Variants in DERA observed in about 807,000 individuals in gnomAD.
DERA encodes 2-deoxy-D-ribose 5-phosphate aldolase.
DERA carries 15 observed loss-of-function variants against 41.1 expected under a neutral mutation model. That is an observed-to-expected ratio of 0.37 (90% CI 0.24 to 0.56). The LOEUF (loss-of-function observed/expected upper bound fraction) is 0.56. DERA is among the 20% of genes least tolerant of loss of function. The pLI is 0.81. For missense variants in DERA, 396 were observed against 403.4 expected (o/e 0.98, Z 0.16); for synonymous variants, 139 against 137.4 (o/e 1.01, Z -0.08).
chr12:15,950,537 T>A (rs1182529423), intron 1 of DERA, among the ~76,000 whole-genome samples: 3 of 152,214 alleles, frequency 2.0e-5, no homozygotes, highest in Admixed American at 2.0e-4. Context: ...GCCTTAACCA[T>A]CTGGGAATGC....
chr12:16,003,390 C>A lies in DERA; in HGVS notation c.637+20954C>A, dbSNP rs1271164004. On this transcript the variant is annotated intron_variant, in intron 6 of 8. Transcript: ENST00000428559. This position sits in a 1 kb window ranked among gnomAD's most constrained non-coding sequence, Gnocchi z 4.8. ...TCTTACATGCTAGGGGTTAGGACTT[C>A]CACCTATGAATTTTGGGGGGCTCCA... is the stretch of plus-strand genomic sequence containing the variant. Among the ~76,000 whole-genome samples, 1 of 152,136 alleles carries A rather than the reference C, an allele frequency of 6.6e-6. No individual in the cohort carries two copies. Among genetic ancestry groups the A allele is most frequent in the East Asian group, 1.9e-4 (1 of 5,198 alleles).
rs1948265053 is a variant in DERA at position 15,924,057 on chromosome 12, C to A, written c.31+12643C>A. ...GTGAGTAACAGCCAAATAATTCTAT[C>A]CAGAAATATTTGAATGATGTTAGCC... is the stretch of plus-strand genomic sequence containing the variant. On this transcript the variant is annotated intron_variant, in intron 1 of 8. Transcript: ENST00000428559. The surrounding 1 kb of genome is among the most constrained non-coding windows in gnomAD (Gnocchi z 5.0). Among the ~76,000 whole-genome samples the A allele has an allele frequency of 6.6e-6, 1 of 152,058 alleles. No individual in the cohort carries two copies. The highest frequency in any genetic ancestry group is 2.4e-5 in the African/African-American group (1 of 41,396).
Position 15,938,258 on chromosome 12 carries a change from G to A in DERA, c.32-18678G>A, listed in dbSNP as rs1254386930. On this transcript the variant is annotated intron_variant, in intron 1 of 8. Coordinates refer to ENST00000428559, the MANE Select transcript of DERA (RefSeq NM_015954.4). This position sits in a 1 kb window ranked among gnomAD's most constrained non-coding sequence, Gnocchi z 4.1. ...GCATGCAAATTAGACACTTTTGACA[G>A]CAAAAGGGAGCACTAAAAATACTTA... Among the ~76,000 whole-genome samples the A allele has an allele frequency of 6.6e-6, 1 of 152,094 alleles. No individual in the cohort carries two copies. The highest frequency in any genetic ancestry group is 2.4e-5 in the African/African-American group (1 of 41,448).
rs1476273537 is a variant in DERA, at chr12:15,992,048, A to G, written c.637+9612A>G. Among the ~76,000 whole-genome samples the G allele has an allele frequency of 6.6e-6, 1 of 151,034 alleles. No homozygotes were observed. Among genetic ancestry groups the G allele is most frequent in the East Asian group, 1.9e-4 (1 of 5,148 alleles). ...GTAGCATTTGTAACATAGTATCAGC[A>G]TCAACTGTTTTACCTGTTAGATTTT... On this transcript the variant is annotated intron_variant, in intron 6 of 8. Coordinates refer to ENST00000428559, the MANE Select transcript of DERA (RefSeq NM_015954.4). This position sits in a 1 kb window ranked among gnomAD's most constrained non-coding sequence, Gnocchi z 4.3.
intron 7 of DERA, 171 bp downstream of exon 7, chr12:16,032,825 T>C: frequency 1.7e-6 from 1 of 574,606 alleles, no homozygotes; most frequent in South Asian, 2.1e-5. Context: ...TGGAGAAAAA[T>C]TGTGATGAAC....
At chr12:15,973,748 A>C (rs919855076) in intron 5 of DERA, among the ~76,000 whole-genome samples, 1 of 152,116 alleles carries the variant, frequency 6.6e-6, no homozygotes, top group Non-Finnish European at 1.5e-5. Context: ...TTAATATAGA[A>C]ATATATCAAG....
intron 1 of DERA, among the ~76,000 whole-genome samples, chr12:15,927,648 T>G (rs1274751381): frequency 6.6e-6 from 1 of 152,190 alleles, no homozygotes; most frequent in Non-Finnish European, 1.5e-5. Context: ...TTGCCCATAG[T>G]CATACGGCTA....
At chr12:16,034,963 A>ATAGAG (rs202033130) in intron 7 of DERA, among the ~76,000 whole-genome samples, 1 of 29,530 alleles carries the variant, frequency 3.4e-5, no homozygotes, top group Admixed American at 5.0e-4. Flanking sequence ...CTACTACCTT[A>ATAGAG]CAGCTTGGGC....
chr12:15,959,904 G>A lies in DERA; in HGVS notation c.353G>A (p.Cys118Tyr). 6.5e-7 allele frequency: 1 copy of A among 1,547,744 alleles called. No individual in the cohort carries two copies. The highest frequency in any genetic ancestry group is 8.7e-7 in the Non-Finnish European group (1 of 1,143,550). ...DAVKALKAAGCNIPVASVAAG... is the reference protein window; with the variant it reads ...DAVKALKAAGYNIPVASVAAG... ...GTAAAAGCACTCAAGGCTGCAGGCT[G>A]TAATATCCCTGTGGCATCAGGTAAA... The change falls in exon 4 of 9, where the codon TGT becomes TAT. Residue 118 changes from cysteine to tyrosine, a missense_variant. Coordinates refer to ENST00000428559, the MANE Select transcript of DERA (RefSeq NM_015954.4). This position sits in a 1 kb window ranked among gnomAD's most constrained non-coding sequence, Gnocchi z 4.5.
rs1157587201 is a variant in DERA at position 15,921,327 on chromosome 12, T to C, written c.31+9913T>C. ...TCAGTGTTCTTGATGATTTTGGAAA[T>C]TGACATAAGGATATCTTCTCTGTGG... On this transcript the variant is annotated intron_variant, in intron 1 of 8. Transcript: ENST00000428559. The surrounding 1 kb of genome is among the most constrained non-coding windows in gnomAD (Gnocchi z 5.3). 6.6e-6 allele frequency among the ~76,000 whole-genome samples: 1 copy of C among 152,086 alleles called. No individual in the cohort carries two copies. Among genetic ancestry groups the C allele is most frequent in the Non-Finnish European group, 1.5e-5 (1 of 68,008 alleles).
chr12:15,911,410 G>C lies in DERA; in HGVS notation c.27G>C (p.Glu9Asp). The change falls in exon 1 of 9, where the codon GAG (glutamate) becomes GAC (aspartate). Residue 9 changes from glutamate to aspartate, a missense_variant. By Grantham distance (45) the Glu-to-Asp change is conservative (BLOSUM62 2). Transcript: ENST00000428559. This position sits in a 1 kb window ranked among gnomAD's most constrained non-coding sequence, Gnocchi z 4.5. MSAHNRGTELDLSWISKIQ... is the reference protein window; with the variant it reads MSAHNRGTDLDLSWISKIQ... The stretch of plus-strand genomic sequence containing the variant: ...TGTCCGCGCACAATCGGGGCACCGA[G>C]CTCGGTAAGGGGCCCGCGGGGCTCC... 7.1e-7 allele frequency: 1 copy of C among 1,407,134 alleles called. No homozygotes were observed. Among genetic ancestry groups the C allele is most frequent in the South Asian group, 1.6e-5 (1 of 63,916 alleles). The allele number at this position is 1,407,134 out of a possible 1,614,324, so 87.2% of individuals were successfully genotyped here.
intron 1 of DERA, among the ~76,000 whole-genome samples, chr12:15,920,677 A>G (rs1591998168): frequency 6.6e-6 from 1 of 151,860 alleles, no homozygotes; most frequent in South Asian, 2.1e-4. Flanking sequence ...TACTAAAAGT[A>G]TAAAAATTAG....
intron 6 of DERA, among the ~76,000 whole-genome samples, chr12:16,027,348 A>C (rs1235050247): frequency 6.6e-6 from 1 of 152,158 alleles, no homozygotes; most frequent in Non-Finnish European, 1.5e-5. Context: ...GCTAAAGATG[A>C]CTCCTGAAGA....
rs1371256652 is a variant in DERA at position 15,990,481 on chromosome 12, A to G, written c.637+8045A>G. ...TTTTAACTTTTAAGTTCAGGGGTACAAGTACAGGTTTGTTACATAGGTGAA... is the reference window on the plus strand; with the variant it reads ...TTTTAACTTTTAAGTTCAGGGGTACGAGTACAGGTTTGTTACATAGGTGAA... On this transcript the variant is annotated intron_variant, in intron 6 of 8. Transcript: ENST00000428559. This position sits in a 1 kb window ranked among gnomAD's most constrained non-coding sequence, Gnocchi z 4.3. 1.3e-5 allele frequency among the ~76,000 whole-genome samples: 2 copies of G among 152,106 alleles called. No individual in the cohort carries two copies. Among genetic ancestry groups the G allele is most frequent in the Non-Finnish European group, 2.9e-5 (2 of 67,986 alleles).
intron 6 of DERA, among the ~76,000 whole-genome samples, chr12:16,016,648 C>G (rs1436203680): frequency 6.6e-6 from 1 of 151,720 alleles, no homozygotes; most frequent in Non-Finnish European, 1.5e-5. Flanking sequence ...AAAAAATTAG[C>G]TGGTGTGGTG....
In DERA at chr12:15,992,196, C is replaced by T. The variant is rs1275605813; in HGVS notation, c.637+9760C>T. Reference sequence around the variant, plus strand: ...GCCTAAGAATATATTTCCATATACACCAATGAATGAGTGAAAGAGAGAAAA... The same window carrying T: ...GCCTAAGAATATATTTCCATATACATCAATGAATGAGTGAAAGAGAGAAAA... On this transcript the variant is annotated intron_variant, in intron 6 of 8. Transcript: ENST00000428559. The surrounding 1 kb of genome is among the most constrained non-coding windows in gnomAD (Gnocchi z 4.3). 6.6e-6 allele frequency among the ~76,000 whole-genome samples: 1 copy of T among 151,092 alleles called. No homozygotes were observed. The highest frequency in any genetic ancestry group is 1.5e-5 in the Non-Finnish European group (1 of 67,808).
chr12:15,942,159 C>A (rs143296456), intron 1 of DERA, among the ~76,000 whole-genome samples: 1 of 152,216 alleles, frequency 6.6e-6, no homozygotes, highest in Admixed American at 6.5e-5. Context: ...ATTTGTATAT[C>A]TTCTTTTGAG....
intron 6 of DERA, among the ~76,000 whole-genome samples, chr12:15,997,093 T>C (rs1948843177): frequency 6.6e-6 from 1 of 152,216 alleles, no homozygotes; most frequent in Non-Finnish European, 1.5e-5. Flanking sequence ...TTTATTTTTA[T>C]TGGACTTTGT....
chr12:15,930,997 A>G (rs1948323665), intron 1 of DERA, among the ~76,000 whole-genome samples: 2 of 152,148 alleles, frequency 1.3e-5, no homozygotes, highest in African/African-American at 4.8e-5. Flanking sequence ...AAGTTCCATT[A>G]ATTGTTTCTT....
Sources: gnomAD v4.1 joint callset for allele counts (sites outside exome capture counted in the v4.1 genomes callset) on GRCh38, gnomAD v4.1.1 for gene constraint, Gnocchi (gnomAD v3.1) non-coding constraint, MANE v1.5 for transcripts, NCBI Gene and HGNC (gene_info 2026-07-23, HGNC 2026-07-21) for gene names.